SMYD3: variants seen among roughly 807,000 people sequenced by gnomAD.
The protein encoded by SMYD3 is SET and MYND domain containing 3.
Under a neutral mutation model 57.7 loss-of-function variants are expected in SMYD3, and 36 were observed. The ratio of observed to expected loss-of-function variants is 0.62; its 90% CI spans 0.48 to 0.82. The LOEUF (loss-of-function observed/expected upper bound fraction) is 0.82, where lower values mean the gene tolerates loss of function less well. SMYD3 is among the 40% of genes least tolerant of loss of function. SMYD3 has a pLI of 0.00. For missense variants in SMYD3, 515 were observed against 538.8 expected (o/e 0.96, Z 0.44); for synonymous variants, 211 against 195.0 (o/e 1.08, Z -0.68).
intron 5 of SMYD3, among the ~76,000 whole-genome samples, chr1:246,000,520 G>C (rs923094222): frequency 2.6e-5 from 4 of 152,050 alleles, no homozygotes; most frequent in African/African-American, 9.7e-5. Flanking sequence ...CATCAACCAT[G>C]CCCCTAAACC....
At chr1:246,282,329 A>AAAAAAAAAAAAAAAAAAC in intron 5 of SMYD3, among the ~76,000 whole-genome samples, 1 of 130,060 alleles carries the variant, frequency 7.7e-6, no homozygotes, top group Non-Finnish European at 1.7e-5. Context: ...AAAAAAAAAA[A>AAAAAAAAAAAAAAAAAAC]AAAAAAAAAA....
intron 5 of SMYD3, among the ~76,000 whole-genome samples, chr1:246,257,635 A>T (rs1258935343): frequency 6.6e-6 from 1 of 152,166 alleles, no homozygotes; most frequent in African/African-American, 2.4e-5. Flanking sequence ...GTTAATATTC[A>T]CATTTGAGGT....
chr1:246,014,462 G>C (rs1161752977), intron 5 of SMYD3, among the ~76,000 whole-genome samples: 3 of 152,164 alleles, frequency 2.0e-5, no homozygotes, highest in Non-Finnish European at 4.4e-5. Context: ...CATGAACTAT[G>C]AACTTTGAAC....
intron 2 of SMYD3, among the ~76,000 whole-genome samples, chr1:246,352,135 TCAA>T (rs1558418330): frequency 5.4e-5 from 1 of 18,680 alleles, no homozygotes. Flanking sequence ...AGACTCTGTC[TCAA>T]AAAAAAAAAA....
intron 10 of SMYD3, among the ~76,000 whole-genome samples, chr1:245,803,795 C>G (rs2047995041): frequency 6.6e-6 from 1 of 152,086 alleles, no homozygotes; most frequent in Non-Finnish European, 1.5e-5. Context: ...ATTTTGAAGC[C>G]AACAGAAGAG....
intron 1 of SMYD3, among the ~76,000 whole-genome samples, chr1:246,426,548 T>A (rs1487319384): frequency 1.3e-5 from 2 of 152,244 alleles, no homozygotes; most frequent in African/African-American, 4.8e-5. Flanking sequence ...TCACTTAGCA[T>A]AATGTTTTCT....
At chr1:245,759,136 TTCTTA>T (rs1454261003) in intron 11 of SMYD3, among the ~76,000 whole-genome samples, 1 of 152,234 alleles carries the variant, frequency 6.6e-6, no homozygotes, top group African/African-American at 2.4e-5. Context: ...ATCCATTATT[TTCTTA>T]TCTTTTCTCT....
At chr1:246,046,890 A>G (rs1001681756) in intron 5 of SMYD3, among the ~76,000 whole-genome samples, 1 of 151,742 alleles carries the variant, frequency 6.6e-6, no homozygotes, top group Non-Finnish European at 1.5e-5. Context: ...CAAATGAAAA[A>G]TATTTTATAA....
At chr1:246,196,626 A>G (rs2062833446) in intron 5 of SMYD3, among the ~76,000 whole-genome samples, 1 of 152,230 alleles carries the variant, frequency 6.6e-6, no homozygotes, top group Non-Finnish European at 1.5e-5. Flanking sequence ...TCTCAACTGT[A>G]ACTACAATAC....
intron 5 of SMYD3, among the ~76,000 whole-genome samples, chr1:245,967,442 A>C (rs7529566): frequency 0.3 from 45,615 of 152,054 alleles, 8,072 homozygotes; most frequent in East Asian, 0.83. Context: ...ATGATCAGTA[A>C]CTGCTGAGTG....
chr1:246,059,645 C>T (rs1262558893), intron 5 of SMYD3, among the ~76,000 whole-genome samples: 9 of 152,116 alleles, frequency 5.9e-5, no homozygotes, highest in Non-Finnish European at 8.8e-5. Context: ...AAAAACCATT[C>T]CTTTCCTTTT....
intron 5 of SMYD3, chr1:246,186,812 C>T (rs1405980365): frequency 6.1e-6 from 6 of 985,406 alleles, no homozygotes; most frequent in Non-Finnish European, 6.0e-6. Flanking sequence ...GGCTGTATCA[C>T]ATTCCGGTCT....
chr1:246,073,987 C>A (rs2060501902), intron 5 of SMYD3, among the ~76,000 whole-genome samples: 3 of 152,194 alleles, frequency 2.0e-5, no homozygotes, highest in Admixed American at 6.5e-5. Context: ...GCTTGTCCAA[C>A]CTGTGGCCCA....
At chr1:246,275,178 A>G (rs2064305241) in intron 5 of SMYD3, among the ~76,000 whole-genome samples, 1 of 152,218 alleles carries the variant, frequency 6.6e-6, no homozygotes, top group South Asian at 2.1e-4. Context: ...TGTTTTCTGT[A>G]AAGGGCAGCC....
intron 5 of SMYD3, among the ~76,000 whole-genome samples, chr1:246,207,528 A>G (rs2063019095): frequency 6.6e-6 from 1 of 152,164 alleles, no homozygotes; most frequent in African/African-American, 2.4e-5. Context: ...GATGTGGAAA[A>G]CAAATCATAA....
intron 5 of SMYD3, among the ~76,000 whole-genome samples, chr1:246,220,601 G>A (rs1250810144): frequency 2.6e-5 from 4 of 152,176 alleles, no homozygotes; most frequent in Non-Finnish European, 4.4e-5. Context: ...CAAAGTCAGG[G>A]CTGAGTCCGG....
chr1:246,047,834 G>A (rs2059995538), intron 5 of SMYD3, among the ~76,000 whole-genome samples: 1 of 114,634 alleles, frequency 8.7e-6, no homozygotes, highest in South Asian at 3.3e-4. Flanking sequence ...GTGAGACCCT[G>A]TAGCAGAAGG....
chr1:246,361,642 G>A (rs565547746), intron 1 of SMYD3, among the ~76,000 whole-genome samples: 9 of 152,124 alleles, frequency 5.9e-5, no homozygotes, highest in Non-Finnish European at 8.8e-5. Flanking sequence ...AATGGCATTC[G>A]CAGCCACCTA....
intron 10 of SMYD3, chr1:245,789,088 G>C (rs2047163871): frequency 6.6e-6 from 1 of 152,192 alleles, no homozygotes; most frequent in African/African-American, 2.4e-5. Flanking sequence ...GGCACCAGGA[G>C]CTTTTGGAGT....
Sources: gnomAD v4.1 joint callset for allele counts (sites outside exome capture counted in the v4.1 genomes callset) on GRCh38, gnomAD v4.1.1 for gene constraint, MANE v1.5 for transcripts, NCBI Gene and HGNC (gene_info 2026-07-23, HGNC 2026-07-21) for gene names.